Variants in LRBA observed in about 807,000 individuals in gnomAD.
LRBA encodes lipopolysaccharide-responsive and beige-like anchor protein.
LRBA carries 176 observed loss-of-function variants against 330.0 expected under a neutral mutation model. The observed-to-expected ratio is 0.53, with a 90% CI of 0.47 to 0.60. LRBA has a LOEUF of 0.60. Among genes scored for constraint, LRBA ranks in the 20% least tolerant of loss-of-function variants. LRBA has a pLI of 0.00. For synonymous variants in LRBA, 1,230 were observed against 1,193.0 expected (o/e 1.03, Z -0.64); for missense variants, 3,259 against 3,444.8 (o/e 0.95, Z 1.35).
chr4:150,943,683 G>T (rs981880896), intron 2 of LRBA, among the ~76,000 whole-genome samples: 5 of 152,100 alleles, frequency 3.3e-5, no homozygotes, highest in Non-Finnish European at 5.9e-5. Context: ...ACTTATTGAA[G>T]TTAGTAAGTA....
intron 28 of LRBA, among the ~76,000 whole-genome samples, chr4:150,843,853 A>G (rs1057416080): frequency 1.3e-5 from 2 of 152,178 alleles, no homozygotes; most frequent in African/African-American, 4.8e-5. Context: ...TATCACTTAG[A>G]CTGCTTACTA....
At chr4:150,860,862 A>G (rs1751831890) in intron 22 of LRBA, among the ~76,000 whole-genome samples, 1 of 152,156 alleles carries the variant, frequency 6.6e-6, no homozygotes, top group Non-Finnish European at 1.5e-5. Context: ...ATAGTCATGC[A>G]TCACTTAATC....
rs1193990602 is a variant in LRBA at position 150,905,945 on chromosome 4, C to T, written c.1648G>A (p.Ala550Thr). The stretch of plus-strand genomic sequence containing the variant: ...AGATTACTCAGATATTTTGAAAATG[C>T]AAGGCAAAGTTCAAGTACTGCTCTG... ...VSRAVLELCLAFSKYLSNLQN... is the reference protein window; with the variant it reads ...VSRAVLELCLTFSKYLSNLQN... Residue 550 changes from alanine (A) to threonine (T), a missense_variant, in exon 13 of 57, where the codon GCA becomes ACA. Transcript: ENST00000651943. 5 of 1,613,496 alleles carry T rather than the reference C, an allele frequency of 3.1e-6. No homozygotes were observed. The South Asian group carries it at 3.3e-5, about 11-fold the overall frequency.
intron 47 of LRBA, among the ~76,000 whole-genome samples, chr4:150,352,757 T>C (rs1737350269): frequency 6.6e-6 from 1 of 151,906 alleles, no homozygotes; most frequent in Non-Finnish European, 1.5e-5. Context: ...GGGATGGGGG[T>C]ATGGGGTAGG....
At chr4:150,281,960 C>T (rs1051771843) in intron 55 of LRBA, among the ~76,000 whole-genome samples, 2 of 152,292 alleles carry the variant, frequency 1.3e-5, no homozygotes, top group African/African-American at 4.8e-5. Context: ...GCTTCTTTAA[C>T]ATGTTTTTGG....
At chr4:150,897,674 G>T in intron 15 of LRBA, 65 bp downstream of exon 15, 1 of 1,120,064 alleles carries the variant, frequency 8.9e-7, no homozygotes, top group Non-Finnish European at 1.3e-6. Flanking sequence ...AACCAAGATT[G>T]TATTTCATGT....
At chr4:150,664,967 A>G (rs945891829) in intron 37 of LRBA, among the ~76,000 whole-genome samples, 3 of 152,222 alleles carry the variant, frequency 2.0e-5, no homozygotes, top group South Asian at 2.1e-4. Flanking sequence ...ATCAGATTCA[A>G]TTATTCACAA....
chr4:150,546,803 T>C (rs1765910482), intron 40 of LRBA, among the ~76,000 whole-genome samples: 1 of 152,172 alleles, frequency 6.6e-6, no homozygotes, highest in African/African-American at 2.4e-5. Context: ...GGTGATATAG[T>C]AGAACAAAGC....
chr4:150,474,008 T>G (rs76215258), intron 42 of LRBA, among the ~76,000 whole-genome samples: 2,713 of 152,300 alleles, frequency 0.018, 78 homozygotes, highest in African/African-American at 0.061. Flanking sequence ...TTTTTTCTTC[T>G]GTGGATTATG....
chr4:150,695,297 T>TA (rs778259249), intron 36 of LRBA, among the ~76,000 whole-genome samples: 2 of 152,196 alleles, frequency 1.3e-5, no homozygotes, highest in Non-Finnish European at 2.9e-5. Context: ...CCCCAGGTTC[T>TA]ACATCTACAG....
chr4:150,337,120 T>C (rs1274268037), intron 48 of LRBA, among the ~76,000 whole-genome samples: 1 of 152,172 alleles, frequency 6.6e-6, no homozygotes, highest in Non-Finnish European at 1.5e-5. Flanking sequence ...AATTTTCACA[T>C]TAAGAAGGTT....
At chr4:150,746,550 G>A (rs1451343996) in intron 35 of LRBA, among the ~76,000 whole-genome samples, 5 of 135,484 alleles carry the variant, frequency 3.7e-5, no homozygotes, top group East Asian at 2.1e-4. Context: ...TCGCTCCATC[G>A]CCCAGGCTGG....
intron 40 of LRBA, among the ~76,000 whole-genome samples, chr4:150,547,153 T>C (rs977902172): frequency 4.5e-4 from 68 of 152,140 alleles, no homozygotes; most frequent in African/African-American, 1.6e-3. Flanking sequence ...TACATACATA[T>C]ACACAAATAT....
At chr4:150,578,135 A>G (rs1435723042) in intron 40 of LRBA, among the ~76,000 whole-genome samples, 1 of 152,242 alleles carries the variant, frequency 6.6e-6, no homozygotes, top group Non-Finnish European at 1.5e-5. Context: ...ATGCTGAAGG[A>G]AAAATACAAC....
intron 40 of LRBA, chr4:150,579,205 CT>C (rs1561379217): frequency 2.2e-6 from 1 of 456,686 alleles, no homozygotes; most frequent in Admixed American, 2.3e-5. Context: ...TGCTGATGGA[CT>C]TCTATACTAA....
At chr4:150,508,431 G>A (rs1352286690) in intron 40 of LRBA, among the ~76,000 whole-genome samples, 4 of 151,938 alleles carry the variant, frequency 2.6e-5, no homozygotes, top group Non-Finnish European at 5.9e-5. Flanking sequence ...TAGGACTACA[G>A]GTGCCCACCA....
intron 17 of LRBA, among the ~76,000 whole-genome samples, chr4:150,887,637 C>T (rs1381196297): frequency 6.6e-6 from 1 of 151,498 alleles, no homozygotes; most frequent in South Asian, 2.1e-4. Flanking sequence ...GGCATGCTGG[C>T]GGGCGCCTGT....
chr4:151,015,482 G>C (rs1745317236), upstream of LRBA: 1 of 152,964 alleles, frequency 6.5e-6, no homozygotes, highest in South Asian at 2.1e-4. Context: ...CCTGGTCGCA[G>C]CCTCCAAGTT....
chr4:150,840,219 G>A (rs940966690), intron 28 of LRBA, among the ~76,000 whole-genome samples: 1 of 152,162 alleles, frequency 6.6e-6, no homozygotes, highest in African/African-American at 2.4e-5. Context: ...CTTCTTATCA[G>A]TCATTTGCTC....
Sources: gnomAD v4.1 joint callset for allele counts (sites outside exome capture counted in the v4.1 genomes callset) on GRCh38, gnomAD v4.1.1 for gene constraint, MANE v1.5 for transcripts, NCBI Gene and HGNC (gene_info 2026-07-23, HGNC 2026-07-21) for gene names.